Variants in STK39 observed in about 807,000 individuals in gnomAD.
STK39 encodes serine/threonine kinase 39.
In STK39, 20 loss-of-function variants were observed where a neutral mutation model predicts 77.8. That is an observed-to-expected ratio of 0.26 (90% confidence interval 0.18 to 0.37). STK39 has a LOEUF of 0.37. Among genes scored for constraint, STK39 ranks in the 10% least tolerant of loss-of-function variants. STK39 has a pLI of 1.00. For synonymous variants in STK39, 246 were observed against 234.1 expected, an observed-to-expected ratio of 1.05 and a Z score of -0.47; for missense variants, 479 against 656.5, an observed-to-expected ratio of 0.73 and a Z score of 2.95.
intron 16 of STK39, among the ~76,000 whole-genome samples, chr2:167,977,437 C>G (rs971090343): frequency 1.3e-5 from 2 of 152,102 alleles, no homozygotes; most frequent in African/African-American, 4.8e-5. Flanking sequence ...AGTTTAATTT[C>G]TCTTCAGAAT....
At chr2:168,029,061 T>C (rs1250110001) in intron 14 of STK39, among the ~76,000 whole-genome samples, 2 of 152,236 alleles carry the variant, frequency 1.3e-5, no homozygotes, top group African/African-American at 4.8e-5. Flanking sequence ...ATTATGGTTT[T>C]TGCCAACTAG....
chr2:168,031,951 CATT>C (rs1344819406), intron 14 of STK39, among the ~76,000 whole-genome samples: 1 of 152,186 alleles, frequency 6.6e-6, no homozygotes, highest in Non-Finnish European at 1.5e-5. Flanking sequence ...TTATACCACT[CATT>C]ATTACAATGG....
At chr2:168,201,301 T>G (rs913254795) in intron 1 of STK39, among the ~76,000 whole-genome samples, 18 of 152,218 alleles carry the variant, frequency 1.2e-4, no homozygotes, top group Admixed American at 2.6e-4. Context: ...AGTGAGACAC[T>G]GTGTCTGGCA....
chr2:168,083,643 C>T (rs1015694644), intron 10 of STK39, among the ~76,000 whole-genome samples: 2 of 151,910 alleles, frequency 1.3e-5, no homozygotes, highest in African/African-American at 2.4e-5. Flanking sequence ...AGAGCATTAG[C>T]CCAGCAAGCA....
intron 10 of STK39, among the ~76,000 whole-genome samples, chr2:168,101,760 TTAAAA>T (rs921902996): frequency 6.6e-6 from 1 of 151,954 alleles, no homozygotes; most frequent in African/African-American, 2.4e-5. Context: ...AACAAAAAAA[TTAAAA>T]TAAAATATAT....
chr2:168,090,489 C>A (rs1030927930), intron 10 of STK39, among the ~76,000 whole-genome samples: 4 of 152,178 alleles, frequency 2.6e-5, no homozygotes, highest in Non-Finnish European at 5.9e-5. Flanking sequence ...AAGAGGACTC[C>A]ATTAGTTTCT....
At chr2:168,001,823 A>C (rs1684009288) in intron 16 of STK39, among the ~76,000 whole-genome samples, 1 of 152,234 alleles carries the variant, frequency 6.6e-6, no homozygotes, top group Non-Finnish European at 1.5e-5. Flanking sequence ...CTGTTCAACA[A>C]AAGAGCCATT....
intron 10 of STK39, among the ~76,000 whole-genome samples, chr2:168,099,287 G>A (rs917965927): frequency 6.6e-6 from 1 of 152,200 alleles, no homozygotes; most frequent in Non-Finnish European, 1.5e-5. Context: ...CATCAATAGT[G>A]AACTAATACA....
At chr2:167,980,887 TTC>T (rs1490829519) in intron 16 of STK39, among the ~76,000 whole-genome samples, 1 of 151,894 alleles carries the variant, frequency 6.6e-6, no homozygotes, top group East Asian at 1.9e-4. Context: ...TTTCTTCTTC[TTC>T]TTTTTTTTAA....
intron 5 of STK39, among the ~76,000 whole-genome samples, chr2:168,143,263 C>T (rs867637602): frequency 5.3e-5 from 8 of 152,270 alleles, no homozygotes; most frequent in African/African-American, 1.9e-4. Context: ...AATCCATCCA[C>T]TTCTTTGCTC....
At chr2:168,183,027 T>C (rs1024170022) in intron 1 of STK39, among the ~76,000 whole-genome samples, 2 of 152,108 alleles carry the variant, frequency 1.3e-5, no homozygotes, top group African/African-American at 2.4e-5. Flanking sequence ...AATAGCATCA[T>C]AAAAGGGAAA....
chr2:168,101,268 ATGGG>A (rs1686816899), intron 10 of STK39, among the ~76,000 whole-genome samples: 2 of 152,168 alleles, frequency 1.3e-5, no homozygotes, highest in African/African-American at 4.8e-5. Flanking sequence ...TGATGGGTTG[ATGGG>A]TGCAGCAAAC....
At chr2:168,103,498 G>A (rs538139369) in intron 10 of STK39, among the ~76,000 whole-genome samples, 2 of 152,288 alleles carry the variant, frequency 1.3e-5, no homozygotes, top group Non-Finnish European at 2.9e-5. Context: ...CTTAGTAGGA[G>A]GGAAAATGCT....
In STK39 at chr2:168,043,778, C is replaced by T. The variant is rs375955317; in HGVS notation, c.1376+19722G>A. ...TTGATCATCTCACAATTTCTGACTTCGTACTTGCAGCAGCCTTATTATGTA... is the reference window on the plus strand; with the variant it reads ...TTGATCATCTCACAATTTCTGACTTTGTACTTGCAGCAGCCTTATTATGTA... On this transcript the variant is annotated intron_variant, in intron 14 of 17. Transcript: ENST00000355999. Among the ~76,000 whole-genome samples the T allele has an allele frequency of 2.2e-3, 337 of 152,304 alleles. 1 individual carries two copies. The highest frequency in any genetic ancestry group is 4.1e-3 in the Non-Finnish European group (278 of 68,024).
intron 5 of STK39, among the ~76,000 whole-genome samples, chr2:168,146,665 A>G (rs1036698042): frequency 6.6e-5 from 10 of 152,308 alleles, no homozygotes; most frequent in African/African-American, 2.4e-4. Context: ...CAGGTAAGGG[A>G]ATTTGTACCT....
intron 13 of STK39, among the ~76,000 whole-genome samples, chr2:168,065,006 A>G (rs1685757586): frequency 6.6e-6 from 1 of 152,234 alleles, no homozygotes; most frequent in African/African-American, 2.4e-5. Flanking sequence ...AGCAAAAAAT[A>G]AAAGTATCAA....
chr2:168,100,498 A>G (rs1396990272), intron 10 of STK39, among the ~76,000 whole-genome samples: 1 of 152,196 alleles, frequency 6.6e-6, no homozygotes, highest in Non-Finnish European at 1.5e-5. Context: ...TCCTGGGCTC[A>G]AGCGATCCTC....
intron 10 of STK39, among the ~76,000 whole-genome samples, chr2:168,116,128 G>C (rs193108413): frequency 4.5e-4 from 69 of 152,264 alleles, no homozygotes; most frequent in African/African-American, 1.5e-3. Flanking sequence ...TCCTGACCAA[G>C]AGCTACTCCT....
At chr2:168,107,479 T>C (rs1687005237) in intron 10 of STK39, among the ~76,000 whole-genome samples, 1 of 152,216 alleles carries the variant, frequency 6.6e-6, no homozygotes, top group South Asian at 2.1e-4. Flanking sequence ...ACAAGCACCA[T>C]TTCTGTTTGC....
Sources: gnomAD v4.1 joint callset for allele counts (sites outside exome capture counted in the v4.1 genomes callset) on GRCh38, gnomAD v4.1.1 for gene constraint, MANE v1.5 for transcripts, NCBI Gene and HGNC (gene_info 2026-07-23, HGNC 2026-07-21) for gene names.